Variants in STAU2 observed in about 807,000 individuals in gnomAD.
The protein encoded by STAU2 is double-stranded RNA-binding protein Staufen homolog 2.
A neutral mutation model predicts 65.9 loss-of-function variants in STAU2; 20 were observed. The ratio of observed to expected loss-of-function variants is 0.30; its 90% CI spans 0.21 to 0.44. The LOEUF (loss-of-function observed/expected upper bound fraction) is 0.44. STAU2 is among the 20% of genes least tolerant of loss of function. STAU2 has a pLI of 1.00. For missense variants in STAU2, 558 were observed against 683.9 expected (o/e 0.82, Z 2.05); for synonymous variants, 232 against 233.9 (o/e 0.99, Z 0.07).
intron 5 of STAU2, among the ~76,000 whole-genome samples, chr8:73,674,687 CT>C (rs1817916067): frequency 6.8e-6 from 1 of 147,674 alleles, no homozygotes; most frequent in African/African-American, 2.5e-5. Flanking sequence ...ACTGCAATTG[CT>C]ATTATAAAAT....
At chr8:73,727,687 A>G (rs9969419) in intron 3 of STAU2, 46,369 of 152,134 alleles carry the variant, frequency 0.3, 8,010 homozygotes, top group East Asian at 0.48. Flanking sequence ...GTGTGGTCAT[A>G]TATTTGTTTG....
chr8:73,721,307 A>G (rs956833437), intron 3 of STAU2, among the ~76,000 whole-genome samples: 2 of 149,242 alleles, frequency 1.3e-5, no homozygotes, highest in Non-Finnish European at 3.0e-5. Context: ...AAAAAAAAAA[A>G]AAAAAAAAGT....
intron 5 of STAU2, among the ~76,000 whole-genome samples, chr8:73,674,281 G>A (rs556145046): frequency 1.1e-4 from 17 of 151,564 alleles, no homozygotes; most frequent in South Asian, 1.0e-3. Context: ...CTCTAAAATC[G>A]AAAGAAAACT....
At chr8:73,477,679 A>G (rs1820389394) in intron 13 of STAU2, among the ~76,000 whole-genome samples, 1 of 152,202 alleles carries the variant, frequency 6.6e-6, no homozygotes, top group Admixed American at 6.5e-5. Flanking sequence ...GTAGACGGAC[A>G]GAAGTTCTAC....
chr8:73,711,426 A>G (rs2130656392), intron 3 of STAU2, among the ~76,000 whole-genome samples: 1 of 152,288 alleles, frequency 6.6e-6, no homozygotes, highest in South Asian at 2.1e-4. Context: ...ATTGGTTAAA[A>G]TGAGAAAATA....
At chr8:73,489,667 C>T (rs1470302062) in intron 13 of STAU2, among the ~76,000 whole-genome samples, 2 of 152,142 alleles carry the variant, frequency 1.3e-5, no homozygotes, top group Middle Eastern at 3.4e-3. Flanking sequence ...ATCATTTATA[C>T]TTAAAGTACC....
chr8:73,542,264 A>G (rs1806593782), intron 13 of STAU2, among the ~76,000 whole-genome samples: 1 of 152,156 alleles, frequency 6.6e-6, no homozygotes, highest in South Asian at 2.1e-4. Context: ...TCCTGTAACA[A>G]CTGGCTATCC....
At chr8:73,477,090 G>A (rs367824105) in intron 13 of STAU2, among the ~76,000 whole-genome samples, 5 of 152,168 alleles carry the variant, frequency 3.3e-5, no homozygotes, top group African/African-American at 1.2e-4. Context: ...AGAATTAACC[G>A]GGTAGGTGGG....
rs551296671 is a variant in STAU2, at chr8:73,489,918, T to C, written c.1530+62094A>G. On this transcript the variant is annotated intron_variant, in intron 13 of 14. Transcript: ENST00000524300. ...ATTGTTCAGGAAGTAATACTTTTCATGAGATTCATTATGAAAGAGAGGGGG... is the reference window on the plus strand; with the variant it reads ...ATTGTTCAGGAAGTAATACTTTTCACGAGATTCATTATGAAAGAGAGGGGG... 1.2e-4 allele frequency among the ~76,000 whole-genome samples: 19 copies of C among 152,116 alleles called. 1 individual carries two copies. The highest frequency in any genetic ancestry group is 3.9e-4 in the African/African-American group (16 of 41,546).
At chr8:73,564,280 A>G (rs945258748) in intron 12 of STAU2, among the ~76,000 whole-genome samples, 1 of 152,238 alleles carries the variant, frequency 6.6e-6, no homozygotes, top group African/African-American at 2.4e-5. Context: ...AATGTGGTAC[A>G]CATACAGCAT....
chr8:73,700,359 T>C (rs558755431), intron 4 of STAU2, among the ~76,000 whole-genome samples: 2 of 151,732 alleles, frequency 1.3e-5, no homozygotes, highest in African/African-American at 4.8e-5. Context: ...GGCATCCAAA[T>C]TGGAAAAGAA....
chr8:73,505,238 T>TC (rs901980332), intron 13 of STAU2, among the ~76,000 whole-genome samples: 3 of 143,554 alleles, frequency 2.1e-5, no homozygotes, highest in African/African-American at 8.9e-5. Context: ...GCAGAAGAGA[T>TC]TTTTTTAAGC....
In STAU2 at chr8:73,533,279, T is replaced by C. The variant is rs548268597; in HGVS notation, c.1530+18733A>G. ...TATAAATTGATATTTTGTTTCTTTC[T>C]CATGAATTTACAAAAACTATTCCAC... On this transcript the variant is annotated intron_variant, in intron 13 of 14. Coordinates refer to ENST00000524300, the MANE Select transcript of STAU2 (RefSeq NM_001164380.2). Among the ~76,000 whole-genome samples the C allele has an allele frequency of 7.9e-4, 121 of 152,336 alleles. 1 individual carries two copies. The highest frequency in any genetic ancestry group is 3.3e-4 in the Admixed American group (5 of 15,306).
chr8:73,424,468 T>C (rs1446390412), intron 13 of STAU2, among the ~76,000 whole-genome samples: 23 of 152,118 alleles, frequency 1.5e-4, no homozygotes, highest in Non-Finnish European at 2.9e-5. Flanking sequence ...CCCAAACTGC[T>C]GGGATTACAG....
At chr8:73,741,087 T>C (rs1806828784) in intron 1 of STAU2, among the ~76,000 whole-genome samples, 1 of 148,582 alleles carries the variant, frequency 6.7e-6, no homozygotes, top group African/African-American at 2.5e-5. Context: ...GGGCGGATCA[T>C]GAGGTCAGGA....
chr8:73,726,688 T>C (rs1278828103), intron 3 of STAU2, among the ~76,000 whole-genome samples: 1 of 152,248 alleles, frequency 6.6e-6, no homozygotes, highest in Non-Finnish European at 1.5e-5. Flanking sequence ...TCTTCATCTC[T>C]ATTTTTATAT....
rs75882559 is a variant in STAU2 at position 73,424,587 on chromosome 8, C to G, written c.1531-1885G>C. Among the ~76,000 whole-genome samples, 414 of 152,052 alleles carry G rather than the reference C, an allele frequency of 2.7e-3. 1 individual carries two copies. The highest frequency in any genetic ancestry group is 4.8e-3 in the Non-Finnish European group (323 of 67,990). On this transcript the variant is annotated intron_variant, in intron 13 of 14. Transcript: ENST00000524300. ...AATAATGTCCCATCGCATGGATGCACCACAGTTTGTCCGTTCACTTATTGA... is the reference window on the plus strand; with the variant it reads ...AATAATGTCCCATCGCATGGATGCAGCACAGTTTGTCCGTTCACTTATTGA...
intron 13 of STAU2, among the ~76,000 whole-genome samples, chr8:73,529,569 T>C (rs1805673577): frequency 1.3e-5 from 2 of 152,142 alleles, no homozygotes; most frequent in South Asian, 4.1e-4. Context: ...AGGACAAAAA[T>C]AGGACAATTG....
chr8:73,728,856 G>A lies in STAU2; in HGVS notation c.-18+9428C>T, dbSNP rs537507005. On this transcript the variant is annotated intron_variant, in intron 3 of 14. Coordinates refer to ENST00000524300, the MANE Select transcript of STAU2 (RefSeq NM_001164380.2). ...TGGGATTTTCTATATATAGGACCAT[G>A]TCATCTGCAAACAGAGACAGTTTTA... 3.1e-4 allele frequency among the ~76,000 whole-genome samples: 47 copies of A among 152,264 alleles called. No homozygotes were observed. The South Asian group carries it at 9.1e-3, about 30-fold the overall frequency.
Sources: allele counts gnomAD v4.1 joint callset (sites outside exome capture counted in the v4.1 genomes callset), GRCh38; gene constraint gnomAD v4.1.1; transcripts MANE v1.5; gene names NCBI Gene and HGNC (gene_info 2026-07-23, HGNC 2026-07-21).